Variants in ATG10 observed in about 807,000 individuals in gnomAD.
ATG10 encodes the protein autophagy related 10, also known as ubiquitin-like-conjugating enzyme ATG10.
In ATG10, 30 loss-of-function variants were observed where a neutral mutation model predicts 32.1. The ratio of observed to expected loss-of-function variants is 0.94; its 90% CI spans 0.70 to 1.27. ATG10 has a LOEUF of 1.27. Among genes scored for constraint, ATG10 ranks in the 50% most tolerant of loss-of-function variants. The probability of loss-of-function intolerance (pLI) is 0.00; values close to 1 mark genes in which losing one functional copy is unlikely to be tolerated. For missense variants in ATG10, 233 were observed against 262.3 expected (o/e 0.89, Z 0.77); for synonymous variants, 87 against 91.5 (o/e 0.95, Z 0.28).
At chr5:81,974,905 C>G (rs1760825237) in intron 1 of ATG10, among the ~76,000 whole-genome samples, 1 of 152,240 alleles carries the variant, frequency 6.6e-6, no homozygotes, top group Admixed American at 6.5e-5. Flanking sequence ...CCAAGGTTCA[C>G]TGCCACTGCC....
chr5:82,033,566 G>A (rs905263973), intron 2 of ATG10, among the ~76,000 whole-genome samples: 9 of 151,770 alleles, frequency 5.9e-5, no homozygotes, highest in African/African-American at 1.5e-4. Flanking sequence ...TTGGTTTTCC[G>A]CCTGCCCCAG....
At chr5:82,136,644 C>T (rs1211225165) in intron 3 of ATG10, among the ~76,000 whole-genome samples, 3 of 152,006 alleles carry the variant, frequency 2.0e-5, no homozygotes, top group Non-Finnish European at 4.4e-5. Context: ...CTGCCCTTAA[C>T]ATTTTTTCCT....
At chr5:82,057,816 G>A (rs1763650868) in intron 2 of ATG10, among the ~76,000 whole-genome samples, 1 of 152,180 alleles carries the variant, frequency 6.6e-6, no homozygotes, top group African/African-American at 2.4e-5. Flanking sequence ...ACCATATTTT[G>A]TAAGGAGTAT....
At chr5:82,109,259 C>T (rs1561302553) in intron 3 of ATG10, among the ~76,000 whole-genome samples, 1 of 151,934 alleles carries the variant, frequency 6.6e-6, no homozygotes, top group African/African-American at 2.4e-5. Context: ...AGGGTGCCAT[C>T]GCAGAATCAA....
chr5:82,172,406 A>C (rs184117515), intron 4 of ATG10, among the ~76,000 whole-genome samples: 17 of 152,300 alleles, frequency 1.1e-4, no homozygotes, highest in African/African-American at 3.8e-4. Context: ...TCATCTGAAA[A>C]AAAAATTGAG....
intron 5 of ATG10, among the ~76,000 whole-genome samples, chr5:82,218,006 A>C (rs1745756574): frequency 6.6e-6 from 1 of 150,984 alleles, no homozygotes; most frequent in Non-Finnish European, 1.5e-5. Flanking sequence ...ACCAAACAAA[A>C]AAACAGCTGC....
At chr5:82,193,996 C>G (rs1368267740) in intron 5 of ATG10, among the ~76,000 whole-genome samples, 1 of 152,166 alleles carries the variant, frequency 6.6e-6, no homozygotes, top group East Asian at 1.9e-4. Flanking sequence ...CAGCTGTGGA[C>G]CATGGGGGAA....
At chr5:82,012,436 T>C (rs1183853831) in intron 2 of ATG10, among the ~76,000 whole-genome samples, 1 of 152,236 alleles carries the variant, frequency 6.6e-6, no homozygotes, top group Non-Finnish European at 1.5e-5. Flanking sequence ...TTGTGATTTT[T>C]ATGGCTGTCT....
intron 4 of ATG10, among the ~76,000 whole-genome samples, chr5:82,167,996 C>T (rs767205278): frequency 3.3e-5 from 5 of 152,128 alleles, no homozygotes; most frequent in Non-Finnish European, 7.4e-5. Context: ...TAATAAATAG[C>T]CTACATTGGA....
chr5:82,098,249 G>A (rs889461665), intron 3 of ATG10, among the ~76,000 whole-genome samples: 3 of 150,654 alleles, frequency 2.0e-5, no homozygotes, highest in Non-Finnish European at 4.4e-5. Flanking sequence ...TGGCAATAGT[G>A]AACTTAATTA....
intron 5 of ATG10, among the ~76,000 whole-genome samples, chr5:82,212,476 C>G (rs1389170927): frequency 6.6e-6 from 1 of 152,182 alleles, no homozygotes; most frequent in Non-Finnish European, 1.5e-5. Context: ...TTGAACCAGG[C>G]AGTTCACAGA....
At chr5:82,050,886 G>A (rs1763394772) in intron 2 of ATG10, among the ~76,000 whole-genome samples, 1 of 147,850 alleles carries the variant, frequency 6.8e-6, no homozygotes, top group African/African-American at 2.5e-5. Context: ...AGATGTGGCA[G>A]TGTAGTCCTA....
chr5:82,196,150 A>G (rs1360307306), intron 5 of ATG10, among the ~76,000 whole-genome samples: 1 of 152,038 alleles, frequency 6.6e-6, no homozygotes, highest in African/African-American at 2.4e-5. Flanking sequence ...GATGTTGAGT[A>G]TTTTTTCATG....
intron 3 of ATG10, among the ~76,000 whole-genome samples, chr5:82,066,503 A>G (rs1488647638): frequency 1.3e-5 from 2 of 152,200 alleles, no homozygotes; most frequent in African/African-American, 4.8e-5. Flanking sequence ...CTAGTGGAAG[A>G]AAAGATTTTT....
At chr5:82,064,328 A>C (rs1763874975) in intron 3 of ATG10, among the ~76,000 whole-genome samples, 1 of 152,060 alleles carries the variant, frequency 6.6e-6, no homozygotes, top group South Asian at 2.1e-4. Flanking sequence ...TAAATATATG[A>C]TGATCAAAAG....
chr5:81,983,951 C>T (rs1417827318), intron 1 of ATG10, among the ~76,000 whole-genome samples: 3 of 150,392 alleles, frequency 2.0e-5, no homozygotes, highest in Non-Finnish European at 4.4e-5. Context: ...GGATGGCGGC[C>T]GGGAAGAGGC....
intron 2 of ATG10, chr5:82,009,481 G>C (rs1436480356): frequency 1.3e-6 from 1 of 777,656 alleles, no homozygotes; most frequent in East Asian, 2.5e-5. Flanking sequence ...AACCCAAAGG[G>C]AACTGCAGCG....
chr5:82,083,292 C>T (rs1420135899), intron 3 of ATG10, among the ~76,000 whole-genome samples: 2 of 152,164 alleles, frequency 1.3e-5, no homozygotes, highest in Non-Finnish European at 2.9e-5. Flanking sequence ...GAGGGGCATC[C>T]ACCATTGCTG....
chr5:81,986,875 C>G (rs1267099228), intron 1 of ATG10, among the ~76,000 whole-genome samples: 3 of 152,016 alleles, frequency 2.0e-5, no homozygotes, highest in African/African-American at 4.8e-5. Context: ...GGAACCCTGT[C>G]TTTACTAAGA....
Sources: gnomAD v4.1 joint callset for allele counts (sites outside exome capture counted in the v4.1 genomes callset) on GRCh38, gnomAD v4.1.1 for gene constraint, MANE v1.5 for transcripts, NCBI Gene and HGNC (gene_info 2026-07-23, HGNC 2026-07-21) for gene names.